ADAMTS6: variants seen among roughly 807,000 people sequenced by gnomAD.
ADAMTS6 encodes the protein A disintegrin and metalloproteinase with thrombospondin motifs 6.
In ADAMTS6, 23 loss-of-function variants were observed where a neutral mutation model predicts 144.3. The ratio of observed to expected loss-of-function variants is 0.16; its 90% CI spans 0.11 to 0.23. The LOEUF (loss-of-function observed/expected upper bound fraction) is 0.23, where lower values mean the gene tolerates loss of function less well. ADAMTS6 is among the 10% of genes least tolerant of loss of function. ADAMTS6 has a pLI of 1.00. For missense variants in ADAMTS6, 999 were observed against 1,379.6 expected (o/e 0.72, Z 4.37); for synonymous variants, 444 against 457.5 (o/e 0.97, Z 0.38).
At chr5:65,454,175 C>T (rs553671680) in intron 4 of ADAMTS6, among the ~76,000 whole-genome samples, 1 of 152,304 alleles carries the variant, frequency 6.6e-6, no homozygotes, top group East Asian at 1.9e-4. Flanking sequence ...CGACCCTCAC[C>T]AGATGCTGGT....
chr5:65,177,870 C>T (rs1026156085), intron 22 of ADAMTS6, among the ~76,000 whole-genome samples: 1 of 152,288 alleles, frequency 6.6e-6, no homozygotes, highest in South Asian at 2.1e-4. Flanking sequence ...GCGTGGGCTG[C>T]ATGGTAGCTC....
intron 24 of ADAMTS6, among the ~76,000 whole-genome samples, chr5:65,162,187 C>T (rs1350136619): frequency 6.6e-6 from 1 of 152,036 alleles, no homozygotes. Flanking sequence ...ACATAAACTG[C>T]AAAGTTTATC....
chr5:65,395,692 A>G (rs1349764188), intron 7 of ADAMTS6, among the ~76,000 whole-genome samples: 1 of 152,164 alleles, frequency 6.6e-6, no homozygotes, highest in Non-Finnish European at 1.5e-5. Context: ...AACCTCATGA[A>G]CCATATCCTG....
chr5:65,469,908 TG>T (rs1329403927), intron 3 of ADAMTS6, among the ~76,000 whole-genome samples: 1 of 152,226 alleles, frequency 6.6e-6, no homozygotes, highest in Admixed American at 6.5e-5. Context: ...ACAGCTTTAA[TG>T]GAACAGCTAC....
intron 7 of ADAMTS6, among the ~76,000 whole-genome samples, chr5:65,418,752 C>T (rs1755764170): frequency 6.6e-6 from 1 of 152,108 alleles, no homozygotes; most frequent in Admixed American, 6.6e-5. Flanking sequence ...TGAACAGACA[C>T]TTCTCAAAAG....
intron 22 of ADAMTS6, among the ~76,000 whole-genome samples, chr5:65,176,989 T>C (rs1561251595): frequency 6.6e-6 from 1 of 152,212 alleles, no homozygotes. Context: ...TCCACTTTCC[T>C]TTCCCTCAAA....
At chr5:65,420,775 G>A (rs183716783) in intron 7 of ADAMTS6, among the ~76,000 whole-genome samples, 1 of 151,674 alleles carries the variant, frequency 6.6e-6, no homozygotes, top group East Asian at 1.9e-4. Flanking sequence ...TAGAAAGGTA[G>A]ACTTAGAGTC....
chr5:65,220,800 G>T (rs185192234), intron 18 of ADAMTS6, among the ~76,000 whole-genome samples: 91 of 151,954 alleles, frequency 6.0e-4, no homozygotes, highest in Non-Finnish European at 1.1e-3. Flanking sequence ...AAACAATAGA[G>T]AAAATCATTT....
chr5:65,376,652 A>G (rs1751582602), intron 7 of ADAMTS6, among the ~76,000 whole-genome samples: 1 of 151,996 alleles, frequency 6.6e-6, no homozygotes, highest in Non-Finnish European at 1.5e-5. Context: ...GCAATGTGAC[A>G]AAACCCCATC....
chr5:65,189,973 A>C (rs1754907826), intron 21 of ADAMTS6, among the ~76,000 whole-genome samples: 1 of 152,206 alleles, frequency 6.6e-6, no homozygotes, highest in Non-Finnish European at 1.5e-5. Context: ...TTAAGAGCAA[A>C]TTTCTCACTG....
chr5:65,170,208 C>T (rs1753529940), intron 24 of ADAMTS6, among the ~76,000 whole-genome samples: 1 of 152,068 alleles, frequency 6.6e-6, no homozygotes. Flanking sequence ...ATATGTATAA[C>T]AAGAATGAAT....
At chr5:65,419,085 G>GAC (rs1755797604) in intron 7 of ADAMTS6, among the ~76,000 whole-genome samples, 1 of 152,122 alleles carries the variant, frequency 6.6e-6, no homozygotes. Flanking sequence ...CTACCAAAAA[G>GAC]ACACACGTAA....
chr5:65,386,251 G>A (rs1422980656), intron 7 of ADAMTS6, among the ~76,000 whole-genome samples: 1 of 151,910 alleles, frequency 6.6e-6, no homozygotes, highest in Non-Finnish European at 1.5e-5. Flanking sequence ...CCTTTTTAAA[G>A]TTGGGTGATG....
intron 14 of ADAMTS6, 47 bp downstream of exon 14, chr5:65,260,553 G>C: frequency 6.6e-7 from 1 of 1,526,648 alleles, no homozygotes; most frequent in Non-Finnish European, 9.0e-7. Flanking sequence ...CCCTACTCTA[G>C]GGAAAGAGTA....
intron 11 of ADAMTS6, among the ~76,000 whole-genome samples, chr5:65,287,607 T>G (rs1018568058): frequency 6.6e-6 from 1 of 152,180 alleles, no homozygotes; most frequent in Non-Finnish European, 1.5e-5. Context: ...CTCAGCTCAC[T>G]GCAACCCCCG....
At chr5:65,444,413 C>T (rs1758108101) in intron 7 of ADAMTS6, among the ~76,000 whole-genome samples, 1 of 152,100 alleles carries the variant, frequency 6.6e-6, no homozygotes, top group Non-Finnish European at 1.5e-5. Flanking sequence ...AGCAAGGTTA[C>T]AGGATACAAA....
At chr5:65,377,365 A>T (rs912651586) in intron 7 of ADAMTS6, among the ~76,000 whole-genome samples, 1 of 152,124 alleles carries the variant, frequency 6.6e-6, no homozygotes, top group African/African-American at 2.4e-5. Flanking sequence ...CTGACATCTG[A>T]TATTCTTGAA....
At chr5:65,349,513 G>A (rs1580460225) in intron 7 of ADAMTS6, among the ~76,000 whole-genome samples, 1 of 152,070 alleles carries the variant, frequency 6.6e-6, no homozygotes, top group African/African-American at 2.4e-5. Flanking sequence ...AGAAACAGCT[G>A]TCCTTTGCCT....
rs770738473 is a variant in ADAMTS6, at chr5:65,460,267, C to A, written c.534G>T (p.Lys178Asn). ...GGTGGCCATTTTCATAACTAAAATGCTTGGAATCCTCTGTGGTATTCTTTA... is the reference window on the plus strand; with the variant it reads ...GGTGGCCATTTTCATAACTAAAATGATTGGAATCCTCTGTGGTATTCTTTA... ...EPLKNTTEDSKHFSYENGHPH... is the reference protein window; with the variant it reads ...EPLKNTTEDSNHFSYENGHPH... Residue 178 changes from lysine to asparagine, a missense_variant, in exon 4 of 25, where the codon AAG becomes AAT. This residue lies in a region of ADAMTS6 where 252 missense variants were observed against 293.7 expected (regional missense o/e 0.86). Transcript: ENST00000381055. 6 of 1,613,994 alleles carry A rather than the reference C, an allele frequency of 3.7e-6. No homozygotes were observed. The Admixed American group carries it at 1.0e-4, about 27-fold the overall frequency.
Sources: allele counts gnomAD v4.1 joint callset (sites outside exome capture counted in the v4.1 genomes callset), GRCh38; gene constraint gnomAD v4.1.1; regional missense constraint gnomAD v4.1.1; transcripts MANE v1.5; gene names NCBI Gene and HGNC (gene_info 2026-07-23, HGNC 2026-07-21).